SOCS4: variants seen among roughly 807,000 people sequenced by gnomAD.
The protein encoded by SOCS4 is SH2 domain containing SOCS box protein.
In SOCS4, 20 loss-of-function variants were observed where a neutral mutation model predicts 34.1. The observed-to-expected ratio is 0.59, with a 90% CI of 0.41 to 0.85. The LOEUF is 0.85. SOCS4 is among the 40% of genes least tolerant of loss of function. SOCS4 has a pLI of 0.00. For missense variants in SOCS4, 479 were observed against 532.4 expected (o/e 0.90, Z 0.99); for synonymous variants, 180 against 186.4 (o/e 0.97, Z 0.28).
chr14:55,028,486 A>G (rs1253326871), intron 1 of SOCS4, among the ~76,000 whole-genome samples: 1 of 151,996 alleles, frequency 6.6e-6, no homozygotes, highest in Non-Finnish European at 1.5e-5. Context: ...AAGTAACAAT[A>G]TCATTGGCTA....
rs1020946394 is a variant in SOCS4 at position 55,044,250 on chromosome 14, T to C, written c.1209T>C (p.Tyr403=). Residue 403 remains tyrosine, a synonymous_variant, in exon 3 of 3, where the codon TAT becomes TAC. Transcript: ENST00000555846. The part of the protein sequence containing the change: ...CRTVICNCTT[Y]DGIDALPIPS... The stretch of plus-strand genomic sequence containing the variant: ...CAGTTATTTGTAACTGTACAACTTA[T>C]GATGGCATCGATGCCCTTCCAATTC... 7 of 1,613,988 alleles carry C rather than the reference T, an allele frequency of 4.3e-6. No individual in the cohort carries two copies. The highest frequency in any genetic ancestry group is 4.0e-5 in the African/African-American group (3 of 74,928).
chr14:55,039,848 A>T (rs556944339), intron 2 of SOCS4, among the ~76,000 whole-genome samples: 206 of 152,344 alleles, frequency 1.4e-3, no homozygotes, highest in Non-Finnish European at 3.4e-4. Context: ...GTGAGCCGAG[A>T]TCGTGCCACT....
chr14:55,032,568 G>A (rs1334769853), intron 2 of SOCS4, among the ~76,000 whole-genome samples: 1 of 151,870 alleles, frequency 6.6e-6, no homozygotes, highest in Non-Finnish European at 1.5e-5. Context: ...ACTCCCCAGG[G>A]CAATGTAACA....
intron 1 of SOCS4, among the ~76,000 whole-genome samples, chr14:55,029,761 G>A (rs2042512219): frequency 6.6e-6 from 1 of 152,156 alleles, no homozygotes; most frequent in African/African-American, 2.4e-5. Flanking sequence ...TTAGAAATGT[G>A]AAGATTTTTA....
At position 55,042,983 on chromosome 14, in the gene SOCS4, C is replaced by A; in HGVS notation, c.-59C>A. On this transcript the variant is annotated 5_prime_UTR_variant, in exon 3 of 3. The change creates a new upstream start codon in the 5' untranslated region. Transcript: ENST00000555846. ...CCAGAAAGTGCCCAGAAGAAACTTC[C>A]TGCTGGAAAAAATGAAAAAGCAGTA... is the stretch of plus-strand genomic sequence containing the variant. 6.7e-7 allele frequency: 1 copy of A among 1,487,254 alleles called. No individual in the cohort carries two copies. Among genetic ancestry groups the A allele is most frequent in the Non-Finnish European group, 9.0e-7 (1 of 1,105,756 alleles). 92.1% of individuals were successfully genotyped at this position (1,487,254 alleles called of 1,614,324 possible).
rs1008384960 is a variant in SOCS4 at position 55,048,616 on chromosome 14, C to A, written c.*4252C>A. On this transcript the variant is annotated 3_prime_UTR_variant, in exon 3 of 3. Transcript: ENST00000555846. ...TATTCTAATACAGTAAGATATTGGA[C>A]ACAAAATGGAGGTAACTTTTTAAAA... is the stretch of plus-strand genomic sequence containing the variant. 1 of 167,012 alleles carries A rather than the reference C, an allele frequency of 6.0e-6. No individual in the cohort carries two copies. Among genetic ancestry groups the A allele is most frequent in the Admixed American group, 6.5e-5 (1 of 15,276 alleles). The allele number at this position is 167,012 out of a possible 1,614,324, so 10.3% of individuals were successfully genotyped here.
Position 55,044,322 on chromosome 14 carries a change from A to C in SOCS4, c.1281A>C (p.Lys427Asn). 1.2e-6 allele frequency: 2 copies of C among 1,613,270 alleles called. No homozygotes were observed. Among genetic ancestry groups the C allele is most frequent in the Middle Eastern group, 1.7e-4 (1 of 5,956 alleles). Residue 427 changes from lysine to asparagine, a missense_variant, in exon 3 of 3, where the codon AAA becomes AAC. Coordinates refer to ENST00000555846, the MANE Select transcript of SOCS4 (RefSeq NM_199421.2). ...LYLKEYHYKS[K>N]VRVLRIDAPE... is the part of the protein sequence containing the mutation. ...TGAAGGAATATCATTATAAATCAAA[A>C]GTTAGAGTACTCAGGATTGATGCAC...
chr14:55,027,327 GCAGA>G lies in SOCS4; in HGVS notation c.-363_-360del. ...GAACGCCGAAGCGGGGTTGGGGGTG[GCAGA>G]AAAGCATCTGCTTTGTAAGACCTAC... On this transcript the variant is annotated 5_prime_UTR_variant, in exon 1 of 3. It removes the in-frame stop codon of an upstream open reading frame in the 5' UTR. Transcript: ENST00000555846. 5.7e-6 allele frequency: 1 copy of G among 175,928 alleles called. No homozygotes were observed. Among genetic ancestry groups the G allele is most frequent in the Non-Finnish European group, 1.2e-5 (1 of 81,524 alleles). The allele number at this position is 175,928 out of a possible 1,614,324, so 10.9% of individuals were successfully genotyped here. A position where few individuals can be genotyped will look rare whatever the true frequency, so the allele number is the denominator to read the frequency against.
rs995946491 is a variant in SOCS4 at position 55,046,768 on chromosome 14, A to T, written c.*2404A>T. The stretch of plus-strand genomic sequence containing the variant: ...CTTTGGTATTTGCTACAGTGAAAAG[A>T]AGTTTGGAAAGTAGATACATAAAGA... On this transcript the variant is annotated 3_prime_UTR_variant, in exon 3 of 3. Coordinates refer to ENST00000555846, the MANE Select transcript of SOCS4 (RefSeq NM_199421.2). The T allele has an allele frequency of 2.4e-5, 4 of 167,042 alleles. No homozygotes were observed. Among genetic ancestry groups the T allele is most frequent in the Non-Finnish European group, 5.9e-5 (4 of 68,064 alleles). 10.3% of individuals were successfully genotyped at this position (167,042 alleles called of 1,614,324 possible).
At chr14:55,031,571 G>GT (rs2042529292) in intron 1 of SOCS4, among the ~76,000 whole-genome samples, 1 of 152,136 alleles carries the variant, frequency 6.6e-6, no homozygotes, top group Non-Finnish European at 1.5e-5. Context: ...GTCCACAAGA[G>GT]TACAGAGTGG....
intron 2 of SOCS4, among the ~76,000 whole-genome samples, chr14:55,041,796 T>G (rs1483906028): frequency 3.3e-5 from 4 of 120,566 alleles, no homozygotes; most frequent in African/African-American, 1.3e-4. Flanking sequence ...TTTTTTTTTT[T>G]TTTTTTTTTT....
intron 2 of SOCS4, among the ~76,000 whole-genome samples, chr14:55,033,971 T>A (rs1450785891): frequency 3.3e-5 from 5 of 152,132 alleles, no homozygotes; most frequent in Non-Finnish European, 2.9e-5. Context: ...CTGTCTCTAC[T>A]AAAAATACAA....
rs553398308 is a variant in SOCS4, at chr14:55,039,931, G to T, written c.-90-3021G>T. ...AAGAAAAAAAGAACACAGCTAGAGA[G>T]CTTAGCTCTCATATGGAAGTGAAGG... On this transcript the variant is annotated intron_variant, in intron 2 of 2. Coordinates refer to ENST00000555846, the MANE Select transcript of SOCS4 (RefSeq NM_199421.2). Among the ~76,000 whole-genome samples the T allele has an allele frequency of 7.2e-5, 11 of 152,224 alleles. 1 individual carries two copies. Among genetic ancestry groups the T allele is most frequent in the African/African-American group, 2.4e-4 (10 of 41,526 alleles).
intron 2 of SOCS4, among the ~76,000 whole-genome samples, chr14:55,033,565 G>A (rs143792558): frequency 7.9e-4 from 120 of 152,346 alleles, no homozygotes; most frequent in Middle Eastern, 6.8e-3. Context: ...ATGATTAAAT[G>A]TATGTGTTTT....
At chr14:55,040,722 C>T (rs1458452781) in intron 2 of SOCS4, among the ~76,000 whole-genome samples, 1 of 151,288 alleles carries the variant, frequency 6.6e-6, no homozygotes, top group African/African-American at 2.4e-5. Context: ...CCAGCCTGGG[C>T]GACAGAGCGA....
chr14:55,034,957 T>G (rs2140244216), intron 2 of SOCS4, among the ~76,000 whole-genome samples: 1 of 150,850 alleles, frequency 6.6e-6, no homozygotes. Context: ...GCCTCCCAGG[T>G]TCAAGCCATT....
intron 1 of SOCS4, among the ~76,000 whole-genome samples, chr14:55,029,480 T>C (rs1160260093): frequency 6.6e-6 from 1 of 152,186 alleles, no homozygotes; most frequent in African/African-American, 2.4e-5. Context: ...GACTCACAAA[T>C]ATTTTTGCTC....
chr14:55,030,522 T>TA (rs1044066970), intron 1 of SOCS4, among the ~76,000 whole-genome samples: 2 of 152,102 alleles, frequency 1.3e-5, no homozygotes, highest in African/African-American at 2.4e-5. Flanking sequence ...CCCTTTTTCT[T>TA]AAAAAAATAG....
In SOCS4 at chr14:55,048,999, TAGC is replaced by T. The variant is rs1270112802; in HGVS notation, c.*4638_*4640del. 6.0e-6 allele frequency: 1 copy of T among 166,954 alleles called. No homozygotes were observed. The highest frequency in any genetic ancestry group is 1.5e-5 in the Non-Finnish European group (1 of 68,114). The allele number at this position is 166,954 out of a possible 1,614,324, so 10.3% of individuals were successfully genotyped here. ...TCTTGACTTGTTTTAACAGTAGAGA[TAGC>T]AGTACAATTTGAATTTATGGTTTAG... On this transcript the variant is annotated 3_prime_UTR_variant, in exon 3 of 3. Coordinates refer to ENST00000555846, the MANE Select transcript of SOCS4 (RefSeq NM_199421.2).
Sources: allele counts gnomAD v4.1 joint callset (sites outside exome capture counted in the v4.1 genomes callset), GRCh38; gene constraint gnomAD v4.1.1; transcripts MANE v1.5; gene names NCBI Gene and HGNC (gene_info 2026-07-23, HGNC 2026-07-21).